Variants in DIAPH2 observed in about 807,000 individuals in gnomAD.
DIAPH2 encodes protein diaphanous homolog 2.
In DIAPH2, 35 loss-of-function variants were observed where a neutral mutation model predicts 92.7. The ratio of observed to expected loss-of-function variants is 0.38; its 90% CI spans 0.29 to 0.50. The LOEUF (loss-of-function observed/expected upper bound fraction) is 0.50, where lower values mean the gene tolerates loss of function less well. Ranked by LOEUF, DIAPH2 falls within the 20% of genes least tolerant of loss-of-function variation. The pLI is 0.94. For synonymous variants in DIAPH2, 301 were observed against 280.4 expected (o/e 1.07, Z -0.73); for missense variants, 701 against 819.5 (o/e 0.86, Z 1.77).
At chrX:97,471,712 A>AG (rs1212510010) in intron 26 of DIAPH2, among the ~76,000 whole-genome samples, 1 of 99,515 alleles carries the variant, frequency 1.0e-5, no homozygotes, top group Non-Finnish European at 2.1e-5. Flanking sequence ...AAAAAAAAAA[A>AG]GGAAAGAAAA....
chrX:97,579,413 A>G (rs1235095741), intron 26 of DIAPH2, among the ~76,000 whole-genome samples: 2 of 110,857 alleles, frequency 1.8e-5, no homozygotes, highest in African/African-American at 6.6e-5. Flanking sequence ...TCCCAGCACC[A>G]TTTATTAAAT....
chrX:97,141,554 C>T, intron 21 of DIAPH2, 111 bp from the exon 22 acceptor site: 1 of 849,893 alleles, frequency 1.2e-6, no homozygotes. Flanking sequence ...AGAACCTACC[C>T]CAAAGTTTTA....
chrX:96,802,980 T>C (rs1253446702), intron 4 of DIAPH2, among the ~76,000 whole-genome samples: 1 of 111,281 alleles, frequency 9.0e-6, no homozygotes, highest in Non-Finnish European at 1.9e-5. Context: ...AGACAGATGA[T>C]GGCCGGACGA....
chrX:97,124,111 A>G (rs2067075732), intron 21 of DIAPH2, among the ~76,000 whole-genome samples: 1 of 112,438 alleles, frequency 8.9e-6, no homozygotes, highest in Admixed American at 9.4e-5. Flanking sequence ...AATTGAAATG[A>G]GACAAAACAC....
At chrX:97,009,862 G>A (rs1242544600) in intron 17 of DIAPH2, among the ~76,000 whole-genome samples, 2 of 111,456 alleles carry the variant, frequency 1.8e-5, no homozygotes, top group Non-Finnish European at 3.8e-5. Context: ...GGAAGGAAGG[G>A]GTCTCTACCT....
At chrX:97,391,684 T>G (rs1377882729) in intron 25 of DIAPH2, among the ~76,000 whole-genome samples, 1 of 111,568 alleles carries the variant, frequency 9.0e-6, no homozygotes, top group Non-Finnish European at 1.9e-5. Flanking sequence ...CTTTTTTTTT[T>G]AACACATCTA....
chrX:97,224,577 C>G (rs2067950965), intron 22 of DIAPH2, among the ~76,000 whole-genome samples: 1 of 111,934 alleles, frequency 8.9e-6, no homozygotes, highest in Non-Finnish European at 1.9e-5. Context: ...AGATATGTCT[C>G]TTAAGGGAAA....
At chrX:96,772,294 G>A (rs1475827199) in intron 4 of DIAPH2, among the ~76,000 whole-genome samples, 2 of 111,622 alleles carry the variant, frequency 1.8e-5, no homozygotes, top group African/African-American at 3.3e-5. Flanking sequence ...CTTAAGCTAC[G>A]TGTTATATGT....
chrX:97,233,611 A>G (rs2068025098), intron 22 of DIAPH2, among the ~76,000 whole-genome samples: 1 of 111,729 alleles, frequency 9.0e-6, no homozygotes, highest in Admixed American at 9.5e-5. Context: ...ATAAGATGGG[A>G]TAATGGAGAA....
chrX:96,867,384 T>C (rs1266744734), intron 4 of DIAPH2, among the ~76,000 whole-genome samples: 1 of 110,251 alleles, frequency 9.1e-6, no homozygotes, highest in African/African-American at 3.3e-5. Flanking sequence ...ATGCCCAACT[T>C]ATTTTTTGTA....
intron 26 of DIAPH2, among the ~76,000 whole-genome samples, chrX:97,587,091 A>T (rs2071483901): frequency 8.9e-6 from 1 of 112,332 alleles, no homozygotes; most frequent in South Asian, 3.7e-4. Context: ...TGCCAGGCAC[A>T]TAGTCAATGT....
intron 23 of DIAPH2, among the ~76,000 whole-genome samples, chrX:97,248,186 G>GT (rs746040066): frequency 2.8e-3 from 312 of 109,719 alleles, no homozygotes; most frequent in South Asian, 8.1e-3. Context: ...TCAACAGAAG[G>GT]TTTTTTTTTG....
chrX:97,244,183 C>T (rs777250992), intron 22 of DIAPH2, among the ~76,000 whole-genome samples: 1 of 111,754 alleles, frequency 8.9e-6, no homozygotes, highest in East Asian at 2.8e-4. Flanking sequence ...ATGTGAAATT[C>T]GGGAGGACAG....
chrX:97,344,726 GT>G (rs887663277), intron 23 of DIAPH2, among the ~76,000 whole-genome samples: 3 of 112,047 alleles, frequency 2.7e-5, no homozygotes, highest in African/African-American at 9.8e-5. Flanking sequence ...TCTGAAATCA[GT>G]TTTTGTTCTA....
intron 26 of DIAPH2, among the ~76,000 whole-genome samples, chrX:97,573,281 G>T (rs141381047): frequency 0.037 from 4,161 of 111,137 alleles, 70 homozygotes; most frequent in Non-Finnish European, 0.056. Context: ...CAATGCTGTG[G>T]TCCAAAGGGA....
chrX:97,288,030 A>C (rs2068560198), intron 23 of DIAPH2, among the ~76,000 whole-genome samples: 1 of 110,188 alleles, frequency 9.1e-6, no homozygotes, highest in Admixed American at 9.8e-5. Flanking sequence ...GGAAGACTTA[A>C]AAGCAAATCT....
At chrX:97,547,718 A>G (rs988355990) in intron 26 of DIAPH2, among the ~76,000 whole-genome samples, 3 of 111,990 alleles carry the variant, frequency 2.7e-5, no homozygotes, top group African/African-American at 6.5e-5. Context: ...TTTTGTATCA[A>G]TGTGAGGCAA....
intron 26 of DIAPH2, among the ~76,000 whole-genome samples, chrX:97,586,977 A>C: frequency 8.9e-6 from 1 of 112,389 alleles, no homozygotes; most frequent in East Asian, 2.8e-4. Context: ...AGAAAGCCTT[A>C]ATACATTTCC....
At chrX:97,206,161 G>A (rs934735365) in intron 22 of DIAPH2, among the ~76,000 whole-genome samples, 1 of 110,342 alleles carries the variant, frequency 9.1e-6, no homozygotes, top group Non-Finnish European at 1.9e-5. Context: ...TCATGGGGTC[G>A]GAGTCAAGGG....
Sources: gnomAD v4.1 joint callset for allele counts (sites outside exome capture counted in the v4.1 genomes callset) on GRCh38, gnomAD v4.1.1 for gene constraint, MANE v1.5 for transcripts, NCBI Gene and HGNC (gene_info 2026-07-23, HGNC 2026-07-21) for gene names.